Variants in UIMC1 observed in about 807,000 individuals in gnomAD.
The protein encoded by UIMC1 is BRCA1-A complex subunit RAP80.
UIMC1 carries 42 observed loss-of-function variants against 84.9 expected under a neutral mutation model. That is an observed-to-expected ratio of 0.49 (90% confidence interval 0.39 to 0.64). The LOEUF (loss-of-function observed/expected upper bound fraction) is 0.64. Among genes scored for constraint, UIMC1 ranks in the 30% least tolerant of loss-of-function variants. UIMC1 has a pLI of 0.00. For synonymous variants in UIMC1, 281 were observed against 293.0 expected (o/e 0.96, Z 0.42); for missense variants, 825 against 847.6 (o/e 0.97, Z 0.33).
chr5:176,932,858 C>CTTTTTT (rs749495757), intron 10 of UIMC1, among the ~76,000 whole-genome samples: 5 of 106,630 alleles, frequency 4.7e-5, no homozygotes, highest in African/African-American at 1.3e-4. Context: ...AATAGCAATG[C>CTTTTTT]TTTTTTTTTT....
chr5:176,921,941 CCT>C (rs1265119059), intron 10 of UIMC1, among the ~76,000 whole-genome samples: 2 of 152,284 alleles, frequency 1.3e-5, no homozygotes, highest in South Asian at 4.2e-4. Flanking sequence ...CTCCTTTCCC[CCT>C]GTCGCTCAAT....
At chr5:176,937,375 G>T (rs1360720065) in intron 10 of UIMC1, among the ~76,000 whole-genome samples, 1 of 152,116 alleles carries the variant, frequency 6.6e-6, no homozygotes, top group Non-Finnish European at 1.5e-5. Flanking sequence ...GGCGCCTGTA[G>T]TCCCAGCTAC....
chr5:176,959,119 T>C (rs1766981031), intron 6 of UIMC1, among the ~76,000 whole-genome samples: 1 of 152,176 alleles, frequency 6.6e-6, no homozygotes. Flanking sequence ...TGTACAATAA[T>C]AGGGAATATA....
intron 10 of UIMC1, among the ~76,000 whole-genome samples, chr5:176,934,564 GT>G (rs1763496073): frequency 6.6e-6 from 1 of 152,224 alleles, no homozygotes; most frequent in Non-Finnish European, 1.5e-5. Flanking sequence ...CTCTGGACTT[GT>G]GACGTGAGGA....
intron 10 of UIMC1, chr5:176,919,189 G>C: frequency 2.5e-6 from 1 of 403,266 alleles, no homozygotes; most frequent in Non-Finnish European, 4.9e-6. Context: ...TGAGGTGGGA[G>C]GATTGCTTGA....
intron 11 of UIMC1, among the ~76,000 whole-genome samples, chr5:176,910,339 G>A (rs1032786929): frequency 6.6e-6 from 1 of 152,222 alleles, no homozygotes; most frequent in Non-Finnish European, 1.5e-5. Context: ...ATTACTTTCA[G>A]GAGGAAGCAC....
upstream of UIMC1, among the ~76,000 whole-genome samples, chr5:177,009,825 A>G (rs535517650): frequency 4.6e-4 from 70 of 152,184 alleles, no homozygotes; most frequent in South Asian, 0.014. The surrounding 1 kb of genome is among the most constrained non-coding windows in gnomAD (Gnocchi z 4.3). Context: ...ACTTGAGGTC[A>G]GGAGTTCGAG....
chr5:177,008,897 T>A (rs1775485393), upstream of UIMC1, among the ~76,000 whole-genome samples: 1 of 152,152 alleles, frequency 6.6e-6, no homozygotes, highest in Non-Finnish European at 1.5e-5. Context: ...AATAGCCATA[T>A]GGAAAGACTC....
At chr5:176,964,633 G>A (rs1262932410) in intron 6 of UIMC1, among the ~76,000 whole-genome samples, 1 of 151,976 alleles carries the variant, frequency 6.6e-6, no homozygotes, top group Non-Finnish European at 1.5e-5. Flanking sequence ...ATGTCTACAT[G>A]ATATTAAAGA....
intron 9 of UIMC1, among the ~76,000 whole-genome samples, chr5:176,943,733 C>T (rs1764741726): frequency 6.6e-6 from 1 of 152,146 alleles, no homozygotes; most frequent in African/African-American, 2.4e-5. Context: ...TTATATATTA[C>T]TCATTTATAT....
intron 2 of UIMC1, among the ~76,000 whole-genome samples, chr5:176,978,329 C>T (rs1478098027): frequency 2.6e-5 from 4 of 151,064 alleles, no homozygotes; most frequent in Non-Finnish European, 5.9e-5. Context: ...GCAGAGATGG[C>T]GCCACCGCAC....
intron 1 of UIMC1, among the ~76,000 whole-genome samples, chr5:177,021,335 G>A (rs1370767032): frequency 6.6e-6 from 1 of 152,170 alleles, no homozygotes; most frequent in African/African-American, 2.4e-5. Context: ...CCTTCCTGGG[G>A]CTTGCCTTCT....
chr5:176,990,059 T>C (rs1772589257), intron 1 of UIMC1, among the ~76,000 whole-genome samples: 2 of 151,814 alleles, frequency 1.3e-5, no homozygotes, highest in African/African-American at 4.8e-5. Flanking sequence ...CGGGAGCCTG[T>C]AGCCCCAGCT....
chr5:177,009,911 A>C (rs947248028), upstream of UIMC1, among the ~76,000 whole-genome samples: 7 of 152,162 alleles, frequency 4.6e-5, no homozygotes, highest in African/African-American at 1.7e-4. The surrounding 1 kb of genome is among the most constrained non-coding windows in gnomAD (Gnocchi z 4.3). Flanking sequence ...GGCACGCGCC[A>C]GTAAGTCCCA....
At chr5:177,021,951 C>T (rs770964060) in intron 1 of UIMC1, among the ~76,000 whole-genome samples, 8 of 152,088 alleles carry the variant, frequency 5.3e-5, no homozygotes, top group Non-Finnish European at 8.8e-5. Flanking sequence ...CGCGCCTGGC[C>T]GGACTTTGGC....
chr5:176,923,890 C>T (rs377352779), intron 10 of UIMC1, among the ~76,000 whole-genome samples: 3 of 131,598 alleles, frequency 2.3e-5, no homozygotes, highest in Admixed American at 7.1e-5. Flanking sequence ...TATATATATA[C>T]ACACACACAG....
chr5:177,013,553 T>A (rs534476899), intron 1 of UIMC1, among the ~76,000 whole-genome samples: 1 of 152,272 alleles, frequency 6.6e-6, no homozygotes, highest in South Asian at 2.1e-4. Flanking sequence ...ACAACATGAA[T>A]CATGCAACAT....
chr5:176,969,741 T>C (rs1261191438), intron 4 of UIMC1, 35 bp from the exon 5 acceptor site: 1 of 1,588,214 alleles, frequency 6.3e-7, no homozygotes, highest in Middle Eastern at 1.7e-4. Flanking sequence ...ACCAGGTTTA[T>C]TATTAAAATA....
At position 177,022,354 on chromosome 5, in the gene UIMC1, G is replaced by A. The variant is rs144145917; in HGVS notation, c.-9+110C>T. ...TACTACTTACTAGTAGCGAGCTCTT[G>A]AGTTAACCATTTTTAGGTTCTGGGC... is the stretch of plus-strand genomic sequence containing the variant. On this transcript the variant is annotated intron_variant, in intron 1 of 5. Transcript: ENST00000509236. The A allele has an allele frequency of 7.4e-5, 15 of 202,444 alleles. No individual in the cohort carries two copies. The East Asian group carries it at 2.0e-3, about 28-fold the overall frequency. 12.5% of individuals were successfully genotyped at this position (202,444 alleles called of 1,614,324 possible).
Sources: allele counts gnomAD v4.1 joint callset (sites outside exome capture counted in the v4.1 genomes callset), GRCh38; gene constraint gnomAD v4.1.1; non-coding constraint Gnocchi (gnomAD v3.1); transcripts MANE v1.5; gene names NCBI Gene and HGNC (gene_info 2026-07-23, HGNC 2026-07-21).